The following RIMS2 variants were observed in gnomAD, a reference collection of about 807,000 sequenced individuals.
The protein encoded by RIMS2 is regulating synaptic membrane exocytosis 2.
Under a neutral mutation model 174.4 loss-of-function variants are expected in RIMS2, and 59 were observed. The observed-to-expected ratio is 0.34, with a 90% confidence interval of 0.27 to 0.42. The LOEUF (loss-of-function observed/expected upper bound fraction) is 0.42, where lower values mean the gene tolerates loss of function less well. Among genes scored for constraint, RIMS2 ranks in the 10% least tolerant of loss-of-function variants. RIMS2 has a pLI of 1.00. For synonymous variants in RIMS2, 606 were observed against 572.5 expected (o/e 1.06, Z -0.84); for missense variants, 1,620 against 1,666.3 (o/e 0.97, Z 0.48).
At chr8:103,638,177 C>G (rs923035953) in intron 1 of RIMS2, among the ~76,000 whole-genome samples, 2 of 151,922 alleles carry the variant, frequency 1.3e-5, no homozygotes, top group Non-Finnish European at 2.9e-5. Flanking sequence ...TAATTTCAGT[C>G]CCTATTTGAG....
intron 1 of RIMS2, among the ~76,000 whole-genome samples, chr8:103,536,449 T>C (rs1173925559): frequency 1.3e-5 from 2 of 152,094 alleles, no homozygotes; most frequent in Non-Finnish European, 2.9e-5. Flanking sequence ...CATTCTTGCA[T>C]TGCTGTAAAG....
At chr8:103,912,590 T>C (rs1025175534) in intron 6 of RIMS2, among the ~76,000 whole-genome samples, 1 of 152,180 alleles carries the variant, frequency 6.6e-6, no homozygotes, top group Non-Finnish European at 1.5e-5. Flanking sequence ...TATGTGTATA[T>C]ATATAATTTT....
At chr8:103,645,194 G>A (rs1397437585) in intron 1 of RIMS2, among the ~76,000 whole-genome samples, 1 of 151,954 alleles carries the variant, frequency 6.6e-6, no homozygotes, top group African/African-American at 2.4e-5. Flanking sequence ...GTGTTTGAAT[G>A]TTTATATGAC....
At chr8:103,785,778 C>G (rs915329436) in intron 3 of RIMS2, among the ~76,000 whole-genome samples, 3 of 152,060 alleles carry the variant, frequency 2.0e-5, no homozygotes, top group Non-Finnish European at 2.9e-5. Flanking sequence ...AATGATGCTG[C>G]CCTCATAAAA....
intron 3 of RIMS2, among the ~76,000 whole-genome samples, chr8:103,780,818 G>C (rs553022062): frequency 6.6e-6 from 1 of 151,932 alleles, no homozygotes; most frequent in South Asian, 2.1e-4. Context: ...CTATGTCTTT[G>C]CATTGAAAGG....
chr8:104,225,859 A>G (rs1482326271), intron 19 of RIMS2, among the ~76,000 whole-genome samples: 4 of 152,190 alleles, frequency 2.6e-5, no homozygotes, highest in African/African-American at 4.8e-5. Flanking sequence ...AGGTTTTTCC[A>G]TTGGCTTACA....
At chr8:103,788,551 C>G (rs536709635) in intron 3 of RIMS2, among the ~76,000 whole-genome samples, 2 of 151,728 alleles carry the variant, frequency 1.3e-5, no homozygotes, top group South Asian at 4.2e-4. Flanking sequence ...CAGTGTGCCC[C>G]TGCTGGGGGG....
intron 8 of RIMS2, among the ~76,000 whole-genome samples, chr8:103,916,904 A>G (rs1315655658): frequency 6.6e-6 from 1 of 152,116 alleles, no homozygotes; most frequent in Non-Finnish European, 1.5e-5. Flanking sequence ...GAAAGGGCCA[A>G]AGGACATACA....
intron 1 of RIMS2, among the ~76,000 whole-genome samples, chr8:103,528,604 A>G (rs1236254814): frequency 6.6e-6 from 1 of 152,180 alleles, no homozygotes; most frequent in Admixed American, 6.5e-5. Context: ...TCAGCTTTCT[A>G]CATATGGCTA....
At chr8:104,069,649 A>G (rs2097164425) in intron 19 of RIMS2, among the ~76,000 whole-genome samples, 1 of 151,414 alleles carries the variant, frequency 6.6e-6, no homozygotes, top group African/African-American at 2.4e-5. Flanking sequence ...TTGTATTTTT[A>G]GGAGAGACGA....
At chr8:103,944,115 C>A (rs2083172936) in intron 14 of RIMS2, among the ~76,000 whole-genome samples, 1 of 152,054 alleles carries the variant, frequency 6.6e-6, no homozygotes, top group Non-Finnish European at 1.5e-5. Context: ...TCTCTAATTA[C>A]TGGAATTTTA....
exon 3 of RIMS2, chr8:103,766,369 A>G: frequency 6.2e-7 from 1 of 1,613,946 alleles, no homozygotes; most frequent in Middle Eastern, 1.6e-4. Flanking sequence ...GAGGCACCTC[A>G]GGAGAAGAAA....
chr8:103,792,467 C>T (rs1199390137), intron 3 of RIMS2, among the ~76,000 whole-genome samples: 2 of 152,002 alleles, frequency 1.3e-5, no homozygotes, highest in East Asian at 1.9e-4. Flanking sequence ...CAAGAGAAAG[C>T]AGGAAAGATC....
chr8:103,717,138 C>CTTTTTTTTTTTTTTTTTTTTTTTTTTT (rs11373218), intron 2 of RIMS2, among the ~76,000 whole-genome samples: 2 of 113,106 alleles, frequency 1.8e-5, no homozygotes, highest in Non-Finnish European at 3.5e-5. Context: ...ATAGTGCCTT[C>CTTTTTTTTTTTTTTTTTTTTTTTTTTT]TTTTTTTTTT....
At chr8:104,191,389 T>C (rs1563657891) in intron 19 of RIMS2, among the ~76,000 whole-genome samples, 1 of 152,146 alleles carries the variant, frequency 6.6e-6, no homozygotes, top group Non-Finnish European at 1.5e-5. Flanking sequence ...AATTCACTAG[T>C]TTCATATATA....
intron 1 of RIMS2, among the ~76,000 whole-genome samples, chr8:103,621,432 G>A (rs1057429983): frequency 6.6e-6 from 1 of 152,226 alleles, no homozygotes; most frequent in African/African-American, 2.4e-5. Context: ...GTAACTTGTG[G>A]AATGCTGAGA....
chr8:103,692,940 A>T (rs1033005160), intron 1 of RIMS2, among the ~76,000 whole-genome samples: 1 of 152,192 alleles, frequency 6.6e-6, no homozygotes, highest in African/African-American at 2.4e-5. Context: ...GCACAGAATC[A>T]GGAATTGCCC....
At chr8:104,238,586 T>C (rs2099271175) in intron 19 of RIMS2, among the ~76,000 whole-genome samples, 1 of 151,988 alleles carries the variant, frequency 6.6e-6, no homozygotes, top group Non-Finnish European at 1.5e-5. Flanking sequence ...AGGAGCAAGA[T>C]GGAAGAGAGT....
chr8:103,659,322 C>T (rs1210519089), intron 1 of RIMS2, among the ~76,000 whole-genome samples: 1 of 152,114 alleles, frequency 6.6e-6, no homozygotes, highest in African/African-American at 2.4e-5. Context: ...CCCAATCAGC[C>T]TTCTGCAGAA....
Sources: gnomAD v4.1 joint callset for allele counts (sites outside exome capture counted in the v4.1 genomes callset) on GRCh38, gnomAD v4.1.1 for gene constraint, MANE v1.5 for transcripts, NCBI Gene and HGNC (gene_info 2026-07-23, HGNC 2026-07-21) for gene names.